The following CDH11 variants were observed in gnomAD, a reference collection of about 807,000 sequenced individuals.
The protein encoded by CDH11 is cadherin 11, also known as cadherin-11.
In CDH11, 11 loss-of-function variants were observed where a neutral mutation model predicts 67.8. That is an observed-to-expected ratio of 0.16 (90% confidence interval 0.10 to 0.27). The LOEUF (loss-of-function observed/expected upper bound fraction) is 0.27, where lower values mean the gene tolerates loss of function less well. Among genes scored for constraint, CDH11 ranks in the 10% least tolerant of loss-of-function variants. CDH11 has a pLI of 1.00. For missense variants in CDH11, 847 were observed against 1,031.2 expected (o/e 0.82, Z 2.45); for synonymous variants, 419 against 400.0 (o/e 1.05, Z -0.57).
intron 1 of CDH11, among the ~76,000 whole-genome samples, chr16:65,076,181 G>A (rs991216680): frequency 4.6e-5 from 7 of 152,024 alleles, no homozygotes; most frequent in East Asian, 1.9e-4. Context: ...TCACCACTCC[G>A]GCACTTGTTA....
At chr16:65,003,242 A>ATTAT (rs1281384316) in intron 3 of CDH11, among the ~76,000 whole-genome samples, 68 of 151,580 alleles carry the variant, frequency 4.5e-4, no homozygotes, top group African/African-American at 1.4e-3. Flanking sequence ...CATCTTTTTT[A>ATTAT]TTATTTATTT....
chr16:64,979,857 C>T (rs1183824410), intron 8 of CDH11, among the ~76,000 whole-genome samples: 1 of 115,652 alleles, frequency 8.6e-6, no homozygotes, highest in South Asian at 4.2e-4. Flanking sequence ...ATGTGGTGCA[C>T]CCATACAATG....
chr16:64,951,099 G>A (rs1482244817), intron 11 of CDH11, 81 bp from the exon 12 acceptor site: 2 of 1,383,220 alleles, frequency 1.4e-6, no homozygotes, highest in African/African-American at 2.8e-5. Context: ...CAGATTTGAG[G>A]GCACTCTCTT....
At chr16:64,952,846 T>A (rs2071399029) in intron 11 of CDH11, among the ~76,000 whole-genome samples, 1 of 152,118 alleles carries the variant, frequency 6.6e-6, no homozygotes, top group African/African-American at 2.4e-5. Flanking sequence ...AAAAAAAATC[T>A]CAGAATTTCA....
chr16:64,948,735 A>G, intron 12 of CDH11: 1 of 1,603,804 alleles, frequency 6.2e-7, no homozygotes, highest in South Asian at 1.1e-5. Flanking sequence ...AGCCCAGATA[A>G]AGCAATCTCA....
intron 1 of CDH11, among the ~76,000 whole-genome samples, chr16:65,097,747 AG>A (rs2074924552): frequency 6.6e-6 from 1 of 152,224 alleles, no homozygotes; most frequent in Admixed American, 6.5e-5. Context: ...AGAACAGAAA[AG>A]TAACATCTCT....
chr16:65,056,307 A>G (rs534274807), intron 1 of CDH11, among the ~76,000 whole-genome samples: 1 of 152,308 alleles, frequency 6.6e-6, no homozygotes, highest in East Asian at 1.9e-4. Flanking sequence ...TCAGCCTTCC[A>G]AGCTGAGGTG....
chr16:64,999,021 T>C (rs1487078461), intron 3 of CDH11, among the ~76,000 whole-genome samples, 165 bp from the exon 4 acceptor site: 1 of 152,160 alleles, frequency 6.6e-6, no homozygotes, highest in Non-Finnish European at 1.5e-5. Context: ...GAGAATATCA[T>C]AGCCTTGGCC....
rs1390720810 is a variant in CDH11 at position 64,945,689 on chromosome 16, T to C, written c.*1914A>G. ...GACATTGTCCACAAAATGTATTCCATTGAAGTGTTCAGCCCAATTTGATTT... is the reference window on the plus strand; with the variant it reads ...GACATTGTCCACAAAATGTATTCCACTGAAGTGTTCAGCCCAATTTGATTT... On this transcript the variant is annotated 3_prime_UTR_variant, in exon 13 of 13. Coordinates refer to ENST00000268603, the MANE Select transcript of CDH11 (RefSeq NM_001797.4). The C allele has an allele frequency of 1.8e-5, 19 of 1,039,698 alleles. No homozygotes were observed. The highest frequency in any genetic ancestry group is 5.6e-5 in the Admixed American group (1 of 17,874). 64.4% of individuals were successfully genotyped at this position (1,039,698 alleles called of 1,614,324 possible). A position where few individuals can be genotyped will look rare whatever the true frequency, so the allele number is the denominator to read the frequency against.
chr16:64,959,451 C>T (rs183360755), intron 11 of CDH11, among the ~76,000 whole-genome samples: 158 of 152,224 alleles, frequency 1.0e-3, no homozygotes, highest in African/African-American at 3.2e-3. Context: ...GGGATATTGA[C>T]ATTTAGGGTC....
intron 1 of CDH11, among the ~76,000 whole-genome samples, chr16:65,081,683 C>T (rs2142801574): frequency 6.6e-6 from 1 of 152,106 alleles, no homozygotes; most frequent in East Asian, 1.9e-4. Context: ...CTTGAACACC[C>T]CCAAGAGAAC....
At chr16:64,983,460 G>A (rs1166982832) in intron 7 of CDH11, among the ~76,000 whole-genome samples, 1 of 152,166 alleles carries the variant, frequency 6.6e-6, no homozygotes, top group Non-Finnish European at 1.5e-5. Context: ...TTTAAGGCGA[G>A]CATCTGCCTG....
At chr16:65,004,562 G>A in intron 3 of CDH11, 80 bp downstream of exon 3, 2 of 1,417,846 alleles carry the variant, frequency 1.4e-6, no homozygotes, top group Non-Finnish European at 1.9e-6. Context: ...ATGCCTGTGG[G>A]CCTTTTGCTT....
chr16:65,055,198 C>T (rs2074122379), intron 1 of CDH11, among the ~76,000 whole-genome samples: 1 of 152,146 alleles, frequency 6.6e-6, no homozygotes, highest in African/African-American at 2.4e-5. Context: ...CATGCTGTGG[C>T]CAGTCTCTAA....
At chr16:65,042,084 TATTGGTGTAGTCAC>T in intron 2 of CDH11, among the ~76,000 whole-genome samples, 1 of 152,326 alleles carries the variant, frequency 6.6e-6, no homozygotes, top group African/African-American at 2.4e-5. Context: ...AATAATTGGC[TATTGGTGTAGTCAC>T]ATTGGTTTAG....
chr16:65,020,053 C>G (rs1220394839), intron 2 of CDH11, among the ~76,000 whole-genome samples: 1 of 151,990 alleles, frequency 6.6e-6, no homozygotes, highest in Admixed American at 6.5e-5. Flanking sequence ...GGTAAAAAAC[C>G]TGGTAAGTTA....
chr16:65,092,071 G>A (rs2142832328), intron 1 of CDH11, among the ~76,000 whole-genome samples: 1 of 152,236 alleles, frequency 6.6e-6, no homozygotes, highest in East Asian at 1.9e-4. Context: ...ATGTGAGATT[G>A]TCCTGTCATA....
Position 65,121,009 on chromosome 16 carries a change from AGGGAG to A in CDH11, c.-298+866_-298+870del, listed in dbSNP as rs2075318940. Among the ~76,000 whole-genome samples, 2 of 152,082 alleles carry A rather than the reference AGGGAG, an allele frequency of 1.3e-5. No individual in the cohort carries two copies. Among genetic ancestry groups the A allele is most frequent in the Non-Finnish European group, 2.9e-5 (2 of 68,006 alleles). ...TCGCGTTCCGGGGCAGAGCGCAGGG[AGGGAG>A]GCCGTGCGTGCCGGGAGCTAGAGAG... On this transcript the variant is annotated intron_variant, in intron 1 of 12. Transcript: ENST00000268603. The surrounding 1 kb of genome is among the most constrained non-coding windows in gnomAD (Gnocchi z 4.1).
At chr16:65,027,932 T>A (rs1014963949) in intron 2 of CDH11, among the ~76,000 whole-genome samples, 1 of 152,060 alleles carries the variant, frequency 6.6e-6, no homozygotes, top group Non-Finnish European at 1.5e-5. Context: ...AATATACACA[T>A]AGAGAAAATA....
Sources: allele counts gnomAD v4.1 joint callset (sites outside exome capture counted in the v4.1 genomes callset), GRCh38; gene constraint gnomAD v4.1.1; non-coding constraint Gnocchi (gnomAD v3.1); transcripts MANE v1.5; gene names NCBI Gene and HGNC (gene_info 2026-07-23, HGNC 2026-07-21).